The following MAML3 variants were observed in gnomAD, a reference collection of about 807,000 sequenced individuals.
MAML3 encodes mastermind-like protein 3.
In MAML3, 27 loss-of-function variants were observed where a neutral mutation model predicts 101.9. The ratio of observed to expected loss-of-function variants is 0.27; its 90% confidence interval spans 0.20 to 0.37. The LOEUF (loss-of-function observed/expected upper bound fraction) is 0.37, where lower values mean the gene tolerates loss of function less well. Among genes scored for constraint, MAML3 ranks in the 10% least tolerant of loss-of-function variants. MAML3 has a pLI of 1.00. For synonymous variants in MAML3, 501 were observed against 555.9 expected, an observed-to-expected ratio of 0.90 and a Z score of 1.39; for missense variants, 1,316 against 1,444.9, an observed-to-expected ratio of 0.91 and a Z score of 1.45.
At chr4:139,848,655 C>T (rs1377931763) in intron 2 of MAML3, among the ~76,000 whole-genome samples, 1 of 151,982 alleles carries the variant, frequency 6.6e-6, no homozygotes, top group East Asian at 1.9e-4. Flanking sequence ...AAATGTTGAC[C>T]ATTAAAAAAT....
chr4:139,794,704 G>A (rs903111032), intron 2 of MAML3, among the ~76,000 whole-genome samples: 1 of 152,220 alleles, frequency 6.6e-6, no homozygotes, highest in Non-Finnish European at 1.5e-5. Flanking sequence ...TGCTCCCTGT[G>A]TTGTGGCTAA....
At position 139,716,856 on chromosome 4, in the gene MAML3, A is replaced by C. The variant is rs1727990853; in HGVS notation, c.*2467T>G. 5 of 152,638 alleles carry C rather than the reference A, an allele frequency of 3.3e-5. No homozygotes were observed. 9.5% of individuals were successfully genotyped at this position (152,638 alleles called of 1,614,324 possible). On this transcript the variant is annotated 3_prime_UTR_variant, in exon 5 of 5. Coordinates refer to ENST00000509479, the MANE Select transcript of MAML3 (RefSeq NM_018717.5). ...AGCGTTCTGTACATTTCTTAAAAGG[A>C]AATAAGCAATGCTCAATGTACAAAG...
At chr4:140,109,391 G>A (rs1023233262) in intron 1 of MAML3, among the ~76,000 whole-genome samples, 4 of 152,196 alleles carry the variant, frequency 2.6e-5, no homozygotes, top group Admixed American at 6.5e-5. Context: ...GGAAAAAGGA[G>A]GACTGAAACC....
chr4:139,771,827 G>T (rs888962997), intron 2 of MAML3, among the ~76,000 whole-genome samples: 6 of 152,002 alleles, frequency 3.9e-5, no homozygotes, highest in African/African-American at 1.2e-4. Flanking sequence ...TGGATCTCTG[G>T]GATGGGGCCC....
intron 1 of MAML3, among the ~76,000 whole-genome samples, chr4:139,953,081 A>C (rs939414824): frequency 1.6e-4 from 24 of 152,246 alleles, no homozygotes; most frequent in Admixed American, 6.5e-4. Flanking sequence ...AATTAGGCAC[A>C]ATGACATAGA....
intron 1 of MAML3, among the ~76,000 whole-genome samples, chr4:139,990,887 C>G (rs1734658913): frequency 6.6e-6 from 1 of 152,056 alleles, no homozygotes; most frequent in Admixed American, 6.6e-5. Flanking sequence ...TACCACTGTT[C>G]AATGAAATAA....
chr4:140,085,403 G>A, intron 1 of MAML3, among the ~76,000 whole-genome samples: 1 of 152,094 alleles, frequency 6.6e-6, no homozygotes, highest in East Asian at 1.9e-4. Context: ...CATAAAACCC[G>A]AGGAGGGAAT....
At chr4:139,963,258 C>A (rs1166132046) in intron 1 of MAML3, among the ~76,000 whole-genome samples, 1 of 152,140 alleles carries the variant, frequency 6.6e-6, no homozygotes, top group East Asian at 1.9e-4. Context: ...TTTGTCTTAA[C>A]TAACTAACTA....
chr4:139,970,193 A>G (rs1446196964), intron 1 of MAML3, among the ~76,000 whole-genome samples: 1 of 152,252 alleles, frequency 6.6e-6, no homozygotes, highest in Non-Finnish European at 1.5e-5. Context: ...CAAGGAATCA[A>G]TAATTAAATT....
chr4:139,939,035 C>A (rs977651268), intron 1 of MAML3, among the ~76,000 whole-genome samples: 1 of 152,202 alleles, frequency 6.6e-6, no homozygotes, highest in African/African-American at 2.4e-5. Context: ...TTTAAGTCTG[C>A]GGTCTACAAA....
intron 2 of MAML3, among the ~76,000 whole-genome samples, chr4:139,828,810 G>A (rs1459895337): frequency 6.6e-6 from 1 of 151,268 alleles, no homozygotes; most frequent in African/African-American, 2.4e-5. Context: ...GACTTCAAGG[G>A]TTGGTTAGGA....
intron 1 of MAML3, among the ~76,000 whole-genome samples, chr4:140,148,919 G>C (rs1049977818): frequency 6.6e-6 from 1 of 152,192 alleles, no homozygotes; most frequent in Non-Finnish European, 1.5e-5. Flanking sequence ...TGAAAGTTAC[G>C]ATGGTGCTAA....
In MAML3 at chr4:139,974,080, A is replaced by C. The variant is rs911720134; in HGVS notation, c.469-83113T>G. ...TTCCTTTAAAACCAAACCACCTAAAAATCAATTTATTCTTACATTTAATAG... is the reference window on the plus strand; with the variant it reads ...TTCCTTTAAAACCAAACCACCTAAACATCAATTTATTCTTACATTTAATAG... On this transcript the variant is annotated intron_variant, in intron 1 of 4. Transcript: ENST00000509479. 2.6e-5 allele frequency among the ~76,000 whole-genome samples: 4 copies of C among 151,026 alleles called. No homozygotes were observed. The South Asian group carries it at 8.4e-4, about 32-fold the overall frequency.
intron 1 of MAML3, among the ~76,000 whole-genome samples, chr4:140,047,951 C>T (rs986857728): frequency 6.6e-6 from 1 of 152,180 alleles, no homozygotes; most frequent in African/African-American, 2.4e-5. Flanking sequence ...AGAACAAAAA[C>T]ATTCCAGTTC....
rs199836189 is a variant in MAML3 at position 139,720,243 on chromosome 4, C to T, written c.2497G>A (p.Ala833Thr). 4.7e-5 allele frequency: 75 copies of T among 1,605,148 alleles called. No homozygotes were observed. Among genetic ancestry groups the T allele is most frequent in the Non-Finnish European group, 5.5e-5 (65 of 1,174,002 alleles). ...GAGGGTCCTATTCCCATCATGCCTG[C>T]GTTCTGTGCCATCAGCCGTGACGTT... ...MRTSRLMAQNAGMMGIGPSQN... is the reference protein window; with the variant it reads ...MRTSRLMAQNTGMMGIGPSQN... The change falls in exon 5 of 5, where the codon GCA (alanine) becomes ACA (threonine). Residue 833 changes from alanine to threonine, a missense_variant. Ala to Thr is a moderately conservative substitution (Grantham distance 58, BLOSUM62 0). Coordinates refer to ENST00000509479, the MANE Select transcript of MAML3 (RefSeq NM_018717.5).
At chr4:139,809,088 G>A (rs1730747941) in intron 2 of MAML3, among the ~76,000 whole-genome samples, 4 of 152,166 alleles carry the variant, frequency 2.6e-5, no homozygotes, top group Admixed American at 2.6e-4. Flanking sequence ...GCCTGCCAGG[G>A]TTCTTATTTC....
chr4:139,904,119 T>G (rs950641031), intron 1 of MAML3, among the ~76,000 whole-genome samples: 2 of 152,216 alleles, frequency 1.3e-5, no homozygotes, highest in African/African-American at 4.8e-5. Context: ...TCTGGAGGAC[T>G]AACATTCAGA....
intron 1 of MAML3, among the ~76,000 whole-genome samples, chr4:139,956,496 C>T (rs544562784): frequency 6.6e-6 from 1 of 152,324 alleles, no homozygotes; most frequent in East Asian, 1.9e-4. Context: ...AGAAGCCTCA[C>T]TTCCAACAAG....
chr4:139,851,765 G>A (rs549541831), intron 2 of MAML3, among the ~76,000 whole-genome samples: 10 of 152,296 alleles, frequency 6.6e-5, no homozygotes, highest in East Asian at 1.9e-4. Flanking sequence ...TCATCTTGGC[G>A]CATAGGTATA....
Sources: allele counts gnomAD v4.1 joint callset (sites outside exome capture counted in the v4.1 genomes callset), GRCh38; gene constraint gnomAD v4.1.1; transcripts MANE v1.5; gene names NCBI Gene and HGNC (gene_info 2026-07-23, HGNC 2026-07-21).